Variants in KIF1B observed in about 807,000 individuals in gnomAD.
The protein encoded by KIF1B is kinesin-like protein KIF1B.
A neutral mutation model predicts 241.9 loss-of-function variants in KIF1B; 76 were observed. The ratio of observed to expected loss-of-function variants is 0.31; its 90% CI spans 0.26 to 0.38. The LOEUF (loss-of-function observed/expected upper bound fraction) is 0.38, where lower values mean the gene tolerates loss of function less well. KIF1B is among the 10% of genes least tolerant of loss of function. KIF1B has a pLI of 1.00. For synonymous variants in KIF1B, 750 were observed against 796.7 expected, an observed-to-expected ratio of 0.94 and a Z score of 0.99; for missense variants, 1,622 against 2,271.4, an observed-to-expected ratio of 0.71 and a Z score of 5.81.
chr1:10,305,544 A>T (rs1238658976), intron 22 of KIF1B: 2 of 1,059,754 alleles, frequency 1.9e-6, no homozygotes, highest in African/African-American at 3.3e-5. Context: ...ACAAAGCTAC[A>T]GCATATGGCT....
Position 10,354,220 on chromosome 1 carries a change from A to T in KIF1B, c.4055+1484A>T, listed in dbSNP as rs565851064. On this transcript the variant is annotated intron_variant, in intron 38 of 48. Transcript: ENST00000676179. ...AAGAATAACAACAACAACAAAAAAC[A>T]CCTTAAATATTTCTGTTCTCATTTA... Among the ~76,000 whole-genome samples the T allele has an allele frequency of 5.8e-4, 89 of 152,346 alleles. 3 individuals carry two copies. The South Asian group carries it at 0.018, about 31-fold the overall frequency.
intron 45 of KIF1B, among the ~76,000 whole-genome samples, chr1:10,372,711 G>C (rs192921819): frequency 0.066 from 9,018 of 136,446 alleles, 421 homozygotes; most frequent in East Asian, 0.18. Flanking sequence ...CTCACTGCAA[G>C]CTCCGCCTCC....
chr1:10,221,088 A>G (rs996620143), intron 1 of KIF1B, among the ~76,000 whole-genome samples: 3 of 148,478 alleles, frequency 2.0e-5, no homozygotes, highest in Non-Finnish European at 4.4e-5. Context: ...AGAATACAGA[A>G]AGAAGCTTTT....
chr1:10,230,421 T>A (rs1230237940), intron 1 of KIF1B, among the ~76,000 whole-genome samples: 1 of 149,614 alleles, frequency 6.7e-6, no homozygotes, highest in Non-Finnish European at 1.5e-5. Context: ...ACTAGAAAAA[T>A]TGGTTGTTTT....
At chr1:10,211,453 T>A (rs1646692175) in intron 1 of KIF1B, among the ~76,000 whole-genome samples, 1 of 152,044 alleles carries the variant, frequency 6.6e-6, no homozygotes, top group African/African-American at 2.4e-5. Context: ...AAGGCTGGTG[T>A]GGTCTCGGCA....
At chr1:10,294,134 G>A (rs1427170346) in intron 17 of KIF1B, among the ~76,000 whole-genome samples, 2 of 152,054 alleles carry the variant, frequency 1.3e-5, no homozygotes, top group Non-Finnish European at 2.9e-5. Flanking sequence ...ACATTTGCTG[G>A]CACTCTCTTG....
At chr1:10,282,935 AG>A (rs1649486395) in intron 15 of KIF1B, among the ~76,000 whole-genome samples, 1 of 151,820 alleles carries the variant, frequency 6.6e-6, no homozygotes, top group Admixed American at 6.6e-5. Context: ...GGCCGGGTGC[AG>A]TGGCTCACGC....
chr1:10,367,047 T>C (rs1408140786), intron 43 of KIF1B, among the ~76,000 whole-genome samples: 1 of 152,098 alleles, frequency 6.6e-6, no homozygotes, highest in Admixed American at 6.6e-5. Flanking sequence ...GAAGGGAGAA[T>C]TCTTTATCTT....
intron 22 of KIF1B, chr1:10,307,885 A>C: frequency 9.5e-7 from 1 of 1,048,654 alleles, no homozygotes; most frequent in Non-Finnish European, 1.2e-6. Flanking sequence ...ACCAAAGGGC[A>C]TTTTCTTTAT....
chr1:10,246,750 GAA>G (rs928927205), intron 2 of KIF1B, among the ~76,000 whole-genome samples: 1 of 151,644 alleles, frequency 6.6e-6, no homozygotes, highest in Non-Finnish European at 1.5e-5. Flanking sequence ...CTGTCTCAAA[GAA>G]AAAAAAGAAA....
intron 5 of KIF1B, among the ~76,000 whole-genome samples, chr1:10,264,862 C>T (rs1648361017): frequency 6.6e-6 from 1 of 152,204 alleles, no homozygotes; most frequent in South Asian, 2.1e-4. Flanking sequence ...AGGGTTTCAC[C>T]ATGTTGGCCA....
intron 22 of KIF1B, among the ~76,000 whole-genome samples, chr1:10,312,881 C>CATATGCCTA (rs1651128679): frequency 6.6e-6 from 1 of 151,454 alleles, no homozygotes; most frequent in Non-Finnish European, 1.5e-5. Flanking sequence ...TTATTGACCA[C>CATATGCCTA]TAGCATTTGG....
chr1:10,368,645 T>C, intron 44 of KIF1B, 107 bp downstream of exon 44: 1 of 898,904 alleles, frequency 1.1e-6, no homozygotes. Flanking sequence ...CAACTTGTCA[T>C]GGGCATAGCA....
chr1:10,301,631 G>A (rs1293229563), intron 22 of KIF1B, among the ~76,000 whole-genome samples: 2 of 152,000 alleles, frequency 1.3e-5, no homozygotes, highest in Admixed American at 6.6e-5. Context: ...GGGCACTCCA[G>A]CCTGGGCGAC....
At chr1:10,369,409 G>A (rs1204225778) in intron 44 of KIF1B, among the ~76,000 whole-genome samples, 3 of 151,558 alleles carry the variant, frequency 2.0e-5, no homozygotes, top group Non-Finnish European at 4.4e-5. Flanking sequence ...TGAGGGGATC[G>A]CTTGAGGCCA....
chr1:10,292,372 G>T (rs563952868), intron 17 of KIF1B: 106 of 437,666 alleles, frequency 2.4e-4, no homozygotes, highest in African/African-American at 2.0e-3. Context: ...CTTTGGCCAT[G>T]ATTCAGTTTG....
At chr1:10,359,688 A>G (rs1277592856) in intron 38 of KIF1B, among the ~76,000 whole-genome samples, 2 of 151,854 alleles carry the variant, frequency 1.3e-5, no homozygotes, top group African/African-American at 4.8e-5. Flanking sequence ...TTAACAATTT[A>G]TTCTCTTTTA....
Position 10,338,440 on chromosome 1 carries a change from T to C in KIF1B, c.3422+907T>C, listed in dbSNP as rs114654277. The stretch of plus-strand genomic sequence containing the variant: ...GTCATAGTTGTTGGAATATTACCCA[T>C]TGAGCATTGATTTCACCTATTTAAT... On this transcript the variant is annotated intron_variant, in intron 31 of 48. Transcript: ENST00000676179. Among the ~76,000 whole-genome samples, 345 of 152,324 alleles carry C rather than the reference T, an allele frequency of 2.3e-3. 1 individual carries two copies. The highest frequency in any genetic ancestry group is 7.8e-3 in the African/African-American group (323 of 41,562).
At chr1:10,275,962 G>A (rs2102221549) in intron 11 of KIF1B, among the ~76,000 whole-genome samples, 1 of 150,564 alleles carries the variant, frequency 6.6e-6, no homozygotes, top group Middle Eastern at 3.4e-3. Context: ...CTGGAGTGCG[G>A]TGGTGCAATC....
Sources: gnomAD v4.1 joint callset for allele counts (sites outside exome capture counted in the v4.1 genomes callset) on GRCh38, gnomAD v4.1.1 for gene constraint, MANE v1.5 for transcripts, NCBI Gene and HGNC (gene_info 2026-07-23, HGNC 2026-07-21) for gene names.